IL5RA: variants seen among roughly 807,000 people sequenced by gnomAD.
IL5RA encodes the protein interleukin-5 receptor subunit alpha.
Under a neutral mutation model 50.0 loss-of-function variants are expected in IL5RA, and 49 were observed. That is an observed-to-expected ratio of 0.98 (90% CI 0.78 to 1.24). IL5RA has a LOEUF of 1.24. Among genes scored for constraint, IL5RA ranks in the 50% most tolerant of loss-of-function variants. The probability of loss-of-function intolerance (pLI) is 0.00; values close to 1 mark genes in which losing one functional copy is unlikely to be tolerated. For missense variants in IL5RA, 600 were observed against 500.4 expected (o/e 1.20, Z -1.90); for synonymous variants, 202 against 174.0 (o/e 1.16, Z -1.26).
chr3:3,084,625 T>C (rs952497710), intron 9 of IL5RA, among the ~76,000 whole-genome samples: 1 of 152,186 alleles, frequency 6.6e-6, no homozygotes, highest in Non-Finnish European at 1.5e-5. Context: ...TTGCTGAGTG[T>C]GGCCCATCCT....
intron 5 of IL5RA, 50 bp from the exon 6 acceptor site, chr3:3,098,340 A>C (rs771864207): frequency 6.6e-7 from 1 of 1,503,832 alleles, no homozygotes; most frequent in African/African-American, 1.4e-5. Flanking sequence ...GCAAACTCTG[A>C]ATTTCATGCT....
chr3:3,108,416 G>A (rs1704032779), intron 2 of IL5RA, 134 bp downstream of exon 2: 1 of 152,212 alleles, frequency 6.6e-6, no homozygotes, highest in African/African-American at 2.4e-5. Context: ...AGTCCAAGTG[G>A]AAATGGTGTT....
intron 5 of IL5RA, among the ~76,000 whole-genome samples, chr3:3,100,108 GCCT>G (rs1703571947): frequency 6.6e-6 from 1 of 152,184 alleles, no homozygotes; most frequent in Non-Finnish European, 1.5e-5. Flanking sequence ...GGAAACACTG[GCCT>G]TGTTGGTGGT....
intron 5 of IL5RA, among the ~76,000 whole-genome samples, chr3:3,101,433 C>A (rs1164452546): frequency 6.6e-6 from 1 of 152,176 alleles, no homozygotes; most frequent in African/African-American, 2.4e-5. Context: ...ATTACTGACT[C>A]TAAGTATCAG....
chr3:3,069,995 A>G lies in IL5RA; in HGVS notation c.*230T>C, dbSNP rs1418565433. On this transcript the variant is annotated 3_prime_UTR_variant, in exon 12 of 12. Coordinates refer to ENST00000446632, the MANE Select transcript of IL5RA (RefSeq NM_175726.4). Reference sequence around the variant, plus strand: ...CCTGTACGGCATGGGGAGAAAAAACATGGCAAAATGCTTGGATGAGTCAAC... The same window carrying G: ...CCTGTACGGCATGGGGAGAAAAAACGTGGCAAAATGCTTGGATGAGTCAAC... 2.2e-6 allele frequency: 1 copy of G among 449,984 alleles called. No individual in the cohort carries two copies. Among genetic ancestry groups the G allele is most frequent in the East Asian group, 4.0e-5 (1 of 25,294 alleles). 27.9% of individuals were successfully genotyped at this position (449,984 alleles called of 1,614,324 possible).
intron 7 of IL5RA, among the ~76,000 whole-genome samples, chr3:3,096,436 G>A (rs1465794252): frequency 6.6e-6 from 1 of 152,106 alleles, no homozygotes; most frequent in Non-Finnish European, 1.5e-5. Context: ...CCTTGTCTTA[G>A]GTAATATGAC....
chr3:3,083,428 C>G (rs540021909), intron 9 of IL5RA, among the ~76,000 whole-genome samples: 1 of 152,106 alleles, frequency 6.6e-6, no homozygotes. Flanking sequence ...TATTTGTGTA[C>G]GTGTGTGTAT....
chr3:3,076,664 G>T, intron 9 of IL5RA, 37 bp from the exon 10 acceptor site: 1 of 1,358,100 alleles, frequency 7.4e-7, no homozygotes, highest in Non-Finnish European at 1.0e-6. Flanking sequence ...AAAATATAAA[G>T]TCCAAGTTAG....
At chr3:3,080,222 G>T (rs1702619010) in intron 9 of IL5RA, among the ~76,000 whole-genome samples, 1 of 152,190 alleles carries the variant, frequency 6.6e-6, no homozygotes, top group African/African-American at 2.4e-5. Context: ...TGTGTAAAGT[G>T]CTTCACGTAC....
At chr3:3,091,973 C>G (rs951931416) in intron 9 of IL5RA, 13 of 1,209,414 alleles carry the variant, frequency 1.1e-5, no homozygotes, top group Middle Eastern at 3.2e-4. Context: ...GAAGTAGAAA[C>G]AAAACTTGGA....
Position 3,092,359 on chromosome 3 carries a change from C to T in IL5RA, c.859G>A (p.Glu287Lys). Residue 287 changes from glutamate (E) to lysine (K), a missense_variant, in exon 9 of 12, where the codon GAA becomes AAA. By Grantham distance (56) the Glu-to-Lys change is moderately conservative. Coordinates refer to ENST00000446632, the MANE Select transcript of IL5RA (RefSeq NM_175726.4). The surrounding 1 kb of genome is among the most constrained non-coding windows in gnomAD (Gnocchi z 4.2). ...HNTRNGYLQI[E>K]KLMTNAFISI... ...ATGAATGCATTGGTCATCAATTTTT[C>T]TATCTAAGTGGGGAAAGATAGCATT... The T allele has an allele frequency of 1.2e-6, 2 of 1,612,806 alleles. No individual in the cohort carries two copies. Among genetic ancestry groups the T allele is most frequent in the Non-Finnish European group, 1.7e-6 (2 of 1,179,746 alleles).
At chr3:3,082,037 T>C (rs1005861917) in intron 9 of IL5RA, among the ~76,000 whole-genome samples, 7 of 151,836 alleles carry the variant, frequency 4.6e-5, no homozygotes, top group African/African-American at 1.7e-4. Flanking sequence ...TAGACATTAC[T>C]TGTGGATTAT....
Position 3,069,204 on chromosome 3 carries a change from T to A in IL5RA, c.*1021A>T, listed in dbSNP as rs183165100. On this transcript the variant is annotated 3_prime_UTR_variant, in exon 12 of 12. Coordinates refer to ENST00000446632, the MANE Select transcript of IL5RA (RefSeq NM_175726.4). ...GGGCACACCTGTGCTTGGTTCCACC[T>A]GCAGTCCACCACCCACCACAAAGGC... 6.6e-6 allele frequency: 1 copy of A among 152,288 alleles called. No individual in the cohort carries two copies. Among genetic ancestry groups the A allele is most frequent in the African/African-American group, 2.4e-5 (1 of 41,454 alleles). 9.4% of individuals were successfully genotyped at this position (152,288 alleles called of 1,614,324 possible). A position where few individuals can be genotyped will look rare whatever the true frequency, so the allele number is the denominator to read the frequency against.
intron 11 of IL5RA, among the ~76,000 whole-genome samples, chr3:3,070,575 C>CTTTTTTTTTTTTTTTTTGTTT (rs1702264367): frequency 1.2e-5 from 1 of 84,902 alleles, no homozygotes; most frequent in African/African-American, 5.4e-5. Context: ...GGATACACAT[C>CTTTTTTTTTTTTTTTTTGTTT]TTTTTTTTTT....
At chr3:3,083,383 C>T (rs1221209117) in intron 9 of IL5RA, among the ~76,000 whole-genome samples, 3 of 152,176 alleles carry the variant, frequency 2.0e-5, no homozygotes, top group African/African-American at 7.2e-5. Context: ...ACTGGGCTTG[C>T]ATTAACCGAA....
In IL5RA at chr3:3,092,303, A is replaced by T. The variant is rs1365658340; in HGVS notation, c.915T>A (p.Asp305Glu). 1 of 1,614,078 alleles carries T rather than the reference A, an allele frequency of 6.2e-7. No homozygotes were observed. The highest frequency in any genetic ancestry group is 1.1e-5 in the South Asian group (1 of 91,082). ...AGCTCACTGCTGCTCTCACTTGAAC[A>T]TCGTACTTAGAAAGATCATCAATTA... ...ISIIDDLSKY[D>E]VQVRAAVSSM... The change falls in exon 9 of 12, where the codon GAT becomes GAA. Residue 305 changes from aspartate (D) to glutamate (E), a missense_variant. Physicochemically the swap from Asp to Glu is conservative, Grantham distance 45. Transcript: ENST00000446632. This position sits in a 1 kb window ranked among gnomAD's most constrained non-coding sequence, Gnocchi z 4.2.
At chr3:3,094,868 T>C (rs1047932836) in intron 8 of IL5RA, among the ~76,000 whole-genome samples, 1 of 152,064 alleles carries the variant, frequency 6.6e-6, no homozygotes, top group East Asian at 1.9e-4. Context: ...GCTGGGATTA[T>C]AGTCACGCGC....
chr3:3,085,699 C>G lies in IL5RA; in HGVS notation c.994+6525G>C, dbSNP rs563621102. On this transcript the variant is annotated intron_variant, in intron 9 of 11. Coordinates refer to ENST00000446632, the MANE Select transcript of IL5RA (RefSeq NM_175726.4). ...AAAAGAAAAAGGCACAGGAGTTTCT[C>G]TGGGGTGGCCTTCCTTCCAGCCCAT... Among the ~76,000 whole-genome samples the G allele has an allele frequency of 3.9e-5, 6 of 152,276 alleles. No individual in the cohort carries two copies. The East Asian group carries it at 9.7e-4, about 24-fold the overall frequency.
intron 3 of IL5RA, among the ~76,000 whole-genome samples, chr3:3,103,986 C>T (rs1478653710): frequency 6.6e-6 from 1 of 152,162 alleles, no homozygotes; most frequent in Non-Finnish European, 1.5e-5. Context: ...GTCTATATTG[C>T]ATTGTCCATT....
Sources: gnomAD v4.1 joint callset for allele counts (sites outside exome capture counted in the v4.1 genomes callset) on GRCh38, gnomAD v4.1.1 for gene constraint, Gnocchi (gnomAD v3.1) non-coding constraint, MANE v1.5 for transcripts, NCBI Gene and HGNC (gene_info 2026-07-23, HGNC 2026-07-21) for gene names.